Variants in NCKAP5 observed in about 807,000 individuals in gnomAD.
NCKAP5 encodes nck-associated protein 5.
A neutral mutation model predicts 167.0 loss-of-function variants in NCKAP5; 92 were observed. The ratio of observed to expected loss-of-function variants is 0.55; its 90% CI spans 0.47 to 0.66. NCKAP5 has a LOEUF of 0.66. Ranked by LOEUF, NCKAP5 falls within the 30% of genes least tolerant of loss-of-function variation. The probability of loss-of-function intolerance (pLI) is 0.00; values close to 1 mark genes in which losing one functional copy is unlikely to be tolerated. For synonymous variants in NCKAP5, 891 were observed against 877.4 expected (o/e 1.02, Z -0.27); for missense variants, 2,378 against 2,315.0 (o/e 1.03, Z -0.56).
chr2:133,056,239 C>T (rs180790156), intron 6 of NCKAP5, among the ~76,000 whole-genome samples: 1 of 152,254 alleles, frequency 6.6e-6, no homozygotes, highest in East Asian at 1.9e-4. Context: ...TGCCTGAAAA[C>T]TTTCCCCAAA....
At chr2:133,177,327 T>C (rs1015649613) in intron 5 of NCKAP5, among the ~76,000 whole-genome samples, 6 of 152,060 alleles carry the variant, frequency 3.9e-5, no homozygotes, top group African/African-American at 1.2e-4. Flanking sequence ...AGGAACACTC[T>C]GTACAAAAGA....
chr2:132,790,181 C>A lies in NCKAP5; in HGVS notation c.934G>T (p.Ala312Ser). The A allele has an allele frequency of 1.2e-6, 2 of 1,613,162 alleles. No individual in the cohort carries two copies. Among genetic ancestry groups the A allele is most frequent in the South Asian group, 1.1e-5 (1 of 90,796 alleles). Reference protein sequence around the residue: ...VHEHQLNTKSALKCPGLGAVI... With the variant: ...VHEHQLNTKSSLKCPGLGAVI... The stretch of plus-strand genomic sequence containing the variant: ...GCCCCCAAGCCAGGGCATTTCAAGG[C>A]CGATTTTGTATTTAGTTGGTGTTCC... The change falls in exon 13 of 20, where the codon GCC becomes TCC. Residue 312 changes from alanine to serine, a missense_variant. Transcript: ENST00000409261.
Position 133,289,352 on chromosome 2 carries a change from T to C in NCKAP5, c.143+13685A>G, listed in dbSNP as rs532133029. On this transcript the variant is annotated intron_variant, in intron 4 of 19. Transcript: ENST00000409261. ...TTTTTTCCATTGTCTTTCTTGTTAC[T>C]AATCCTGTGAAAATTCACCCTCTGT... 2.6e-5 allele frequency among the ~76,000 whole-genome samples: 4 copies of C among 152,306 alleles called. No homozygotes were observed. The East Asian group carries it at 5.8e-4, about 22-fold the overall frequency.
chr2:132,783,749 G>A lies in NCKAP5; in HGVS notation c.3062C>T (p.Pro1021Leu). ...GAAGGAGCTGGAGGGGGCATGAGCA[G>A]GGCATCGGGTTTGAATGACTGCTTC... ...SPEAVIQTRC[P>L]AHAPSSSFTV... is the part of the protein sequence containing the mutation. The change falls in exon 14 of 20, where the codon CCT becomes CTT. Residue 1021 changes from proline to leucine, a missense_variant. By Grantham distance (98) the Pro-to-Leu change is moderately conservative. Transcript: ENST00000409261. 6.3e-7 allele frequency: 1 copy of A among 1,598,860 alleles called. No homozygotes were observed.
Position 133,493,276 on chromosome 2 carries a change from T to G in NCKAP5, c.69+24182A>C, listed in dbSNP as rs527757510. ...ATGTATAACAGTTGACAGGCATGCA[T>G]GTCAATACAACAGGTCCATAAAGCA... On this transcript the variant is annotated intron_variant, in intron 3 of 19. Transcript: ENST00000409261. Among the ~76,000 whole-genome samples, 7 of 152,286 alleles carry G rather than the reference T, an allele frequency of 4.6e-5. No homozygotes were observed. In the East Asian group the frequency reaches 9.7e-4, roughly 21 times the overall value.
At chr2:133,181,450 A>G (rs1257213517) in intron 5 of NCKAP5, among the ~76,000 whole-genome samples, 1 of 152,024 alleles carries the variant, frequency 6.6e-6, no homozygotes. Flanking sequence ...AAAATGACAG[A>G]CTTGAATTGT....
chr2:133,087,634 G>A (rs1036038738), intron 6 of NCKAP5, among the ~76,000 whole-genome samples: 1 of 152,166 alleles, frequency 6.6e-6, no homozygotes, highest in Non-Finnish European at 1.5e-5. Context: ...TATTTTGACA[G>A]TGGGGCTTGA....
chr2:133,225,992 C>A (rs1184041353), intron 4 of NCKAP5, among the ~76,000 whole-genome samples: 1 of 151,860 alleles, frequency 6.6e-6, no homozygotes, highest in African/African-American at 2.4e-5. Flanking sequence ...CCATGTTGGC[C>A]AGGATGGTCT....
At chr2:133,026,540 T>C (rs1195858848) in intron 6 of NCKAP5, among the ~76,000 whole-genome samples, 1 of 152,182 alleles carries the variant, frequency 6.6e-6, no homozygotes, top group Non-Finnish European at 1.5e-5. Context: ...AGCAACATTT[T>C]GCTGCTATTC....
rs558523225 is a variant in NCKAP5 at position 133,540,829 on chromosome 2, G to A, written c.-62+18221C>T. Among the ~76,000 whole-genome samples, 511 of 151,612 alleles carry A rather than the reference G, an allele frequency of 3.4e-3. 3 individuals are homozygous for A. Among genetic ancestry groups the A allele is most frequent in the Non-Finnish European group, 4.1e-3 (280 of 67,888 alleles). On this transcript the variant is annotated intron_variant, in intron 2 of 19. Transcript: ENST00000409261. Reference sequence around the variant, plus strand: ...CATGCACCTGTAATTCCAGCTACTCGGGAGGCTGAGGCATGAAAATCTCTT... The same window carrying A: ...CATGCACCTGTAATTCCAGCTACTCAGGAGGCTGAGGCATGAAAATCTCTT...
At chr2:133,128,616 G>A (rs1372150403) in intron 6 of NCKAP5, among the ~76,000 whole-genome samples, 1 of 146,952 alleles carries the variant, frequency 6.8e-6, no homozygotes, top group Admixed American at 6.7e-5. Flanking sequence ...TTTTGTTTTT[G>A]TAATGGAATC....
chr2:133,345,237 CT>C (rs1008519158), intron 3 of NCKAP5, among the ~76,000 whole-genome samples: 5 of 152,126 alleles, frequency 3.3e-5, no homozygotes, highest in Non-Finnish European at 7.4e-5. Flanking sequence ...TGAGGAGCGC[CT>C]TTGCCCAGCT....
chr2:133,054,117 A>G (rs1432310434), intron 6 of NCKAP5, among the ~76,000 whole-genome samples: 2 of 152,224 alleles, frequency 1.3e-5, no homozygotes, highest in African/African-American at 2.4e-5. Context: ...GGCTAAAAGT[A>G]TCTAAGCTTG....
chr2:132,994,829 A>T (rs1475864849), intron 6 of NCKAP5, among the ~76,000 whole-genome samples: 2 of 152,248 alleles, frequency 1.3e-5, no homozygotes, highest in Non-Finnish European at 2.9e-5. Context: ...CAGATGGGAT[A>T]GCCTACTACA....
chr2:133,151,452 TA>T lies in NCKAP5; in HGVS notation c.208-21342del, dbSNP rs566104832. On this transcript the variant is annotated intron_variant, in intron 5 of 19. Coordinates refer to ENST00000409261, the MANE Select transcript of NCKAP5 (RefSeq NM_207363.3). The stretch of plus-strand genomic sequence containing the variant: ...ACAACGAATGCTTACAGCTCAACAA[TA>T]AAAAAAACCGCGTTAAGAAGTGAGC... Among the ~76,000 whole-genome samples the T allele has an allele frequency of 7.3e-5, 11 of 151,332 alleles. No homozygotes were observed. The East Asian group carries it at 2.1e-3, about 29-fold the overall frequency.
intron 19 of NCKAP5, among the ~76,000 whole-genome samples, chr2:132,687,370 A>G (rs1686083054): frequency 6.6e-6 from 1 of 152,192 alleles, no homozygotes; most frequent in African/African-American, 2.4e-5. Flanking sequence ...CAGCTACCAG[A>G]GGGAGGGTGA....
At position 133,186,559 on chromosome 2, in the gene NCKAP5, C is replaced by A. The variant is rs750587653; in HGVS notation, c.207+27157G>T. ...AAGTTTTTGTACTTCTGGTAGAATTCGGCTATGACTCAATCTGGTCCAGGG... is the reference window on the plus strand; with the variant it reads ...AAGTTTTTGTACTTCTGGTAGAATTAGGCTATGACTCAATCTGGTCCAGGG... On this transcript the variant is annotated intron_variant, in intron 5 of 19. Transcript: ENST00000409261. 5.8e-4 allele frequency among the ~76,000 whole-genome samples: 88 copies of A among 152,004 alleles called. 1 individual carries two copies. Among genetic ancestry groups the A allele is most frequent in the Non-Finnish European group, 1.8e-4 (12 of 67,976 alleles).
chr2:133,407,136 G>T (rs577698292), intron 3 of NCKAP5, among the ~76,000 whole-genome samples: 1 of 152,156 alleles, frequency 6.6e-6, no homozygotes, highest in East Asian at 1.9e-4. Flanking sequence ...ATGTTTATCC[G>T]CCAGGTATGA....
At chr2:133,196,527 A>C (rs1396470588) in intron 5 of NCKAP5, among the ~76,000 whole-genome samples, 2 of 152,216 alleles carry the variant, frequency 1.3e-5, no homozygotes, top group Non-Finnish European at 2.9e-5. Context: ...GAACTACCAC[A>C]GTCTGTACCA....
Sources: allele counts gnomAD v4.1 joint callset (sites outside exome capture counted in the v4.1 genomes callset), GRCh38; gene constraint gnomAD v4.1.1; transcripts MANE v1.5; gene names NCBI Gene and HGNC (gene_info 2026-07-23, HGNC 2026-07-21).